The following MADCAM1 variants were observed in gnomAD, a reference collection of about 807,000 sequenced individuals.
MADCAM1 encodes the protein mucosal vascular addressin cell adhesion molecule 1.
A neutral mutation model predicts 26.1 loss-of-function variants in MADCAM1; 19 were observed. The observed-to-expected ratio is 0.73, with a 90% CI of 0.51 to 1.07. MADCAM1 has a LOEUF of 1.07. Ranked by LOEUF, MADCAM1 falls within the 50% of genes least tolerant of loss-of-function variation. The pLI is 0.00. For synonymous variants in MADCAM1, 268 were observed against 260.9 expected (o/e 1.03, Z -0.26); for missense variants, 514 against 542.1 (o/e 0.95, Z 0.51).
intron 4 of MADCAM1, among the ~76,000 whole-genome samples, chr19:503,529 C>T (rs1265552209): frequency 2.8e-5 from 4 of 142,660 alleles, no homozygotes; most frequent in East Asian, 2.1e-4. Context: ...TGCAGTGAGC[C>T]GAGATCGCGC....
At chr19:500,657 T>C (rs1183324414) in intron 3 of MADCAM1, among the ~76,000 whole-genome samples, 1 of 151,964 alleles carries the variant, frequency 6.6e-6, no homozygotes, top group Admixed American at 6.6e-5. Context: ...GATCACGAGA[T>C]TAGGAGATCG....
chr19:499,518 G>A (rs952740968), intron 3 of MADCAM1, among the ~76,000 whole-genome samples: 7 of 152,106 alleles, frequency 4.6e-5, no homozygotes, highest in Non-Finnish European at 7.4e-5. Flanking sequence ...ACCCACACGC[G>A]TGTACAAACA....
Position 501,847 on chromosome 19 carries a change from C to T in MADCAM1, c.846C>T (p.Pro282=), listed in dbSNP as rs1978361131. The change falls in exon 4 of 5, where the codon CCC becomes CCT. Residue 282 remains proline, a synonymous_variant. Transcript: ENST00000215637. ...CCCAGCAGGGCTCCACACACACCCC[C>T]AGGAGCCCAGGCTCCACCAGGACTC... The part of the protein sequence containing the change: ...PAPQQGSTHT[P]RSPGSTRTRR... 1 of 1,557,686 alleles carries T rather than the reference C, an allele frequency of 6.4e-7. No individual in the cohort carries two copies. The highest frequency in any genetic ancestry group is 1.4e-5 in the African/African-American group (1 of 73,214).
chr19:498,153 T>G, intron 2 of MADCAM1, 36 bp downstream of exon 2: 1 of 1,301,220 alleles, frequency 7.7e-7, no homozygotes, highest in Non-Finnish European at 9.8e-7. Flanking sequence ...TCTCTGACCC[T>G]TGGACTCCCG....
chr19:501,273 G>T (rs1978322728), intron 3 of MADCAM1, among the ~76,000 whole-genome samples: 1 of 151,316 alleles, frequency 6.6e-6, no homozygotes, highest in Admixed American at 6.6e-5. Context: ...ATCACCTGAG[G>T]TTGGGAGTTC....
chr19:498,834 G>C lies in MADCAM1; in HGVS notation c.667+9G>C. On this transcript the variant is annotated intron_variant, in intron 3 of 4. Coordinates refer to ENST00000215637, the MANE Select transcript of MADCAM1 (RefSeq NM_130760.3). ...CCGCCAGGCCATCCCCGGTGAGTCC[G>C]CTGGGTGCCCTGGAGACCCACCCGC... 1 of 1,496,754 alleles carries C rather than the reference G, an allele frequency of 6.7e-7. No homozygotes were observed. The highest frequency in any genetic ancestry group is 8.9e-7 in the Non-Finnish European group (1 of 1,129,728). 92.7% of individuals were successfully genotyped at this position (1,496,754 alleles called of 1,614,324 possible).
intron 3 of MADCAM1, chr19:500,215 C>A (rs74361302): frequency 0.1 from 46,896 of 456,070 alleles, 2,851 homozygotes; most frequent in South Asian, 0.18. Flanking sequence ...GCTCTCAGGG[C>A]AGCCCAAAGA....
chr19:504,970 C>A lies in MADCAM1; in HGVS notation c.*5C>A. 1.3e-6 allele frequency: 2 copies of A among 1,577,232 alleles called. No homozygotes were observed. The highest frequency in any genetic ancestry group is 1.7e-6 in the Non-Finnish European group (2 of 1,154,514). The stretch of plus-strand genomic sequence containing the variant: ...GTCGGGATCAGCCCCTCCTGAGTGG[C>A]CAGCCTTTCCCCCTGTGAAAGCAAA... On this transcript the variant is annotated 3_prime_UTR_variant, in exon 5 of 5. Coordinates refer to ENST00000215637, the MANE Select transcript of MADCAM1 (RefSeq NM_130760.3).
At chr19:500,904 G>T (rs140953145) in intron 3 of MADCAM1, among the ~76,000 whole-genome samples, 1 of 151,866 alleles carries the variant, frequency 6.6e-6, no homozygotes, top group African/African-American at 2.4e-5. Context: ...TTATCAACTA[G>T]AACAGTAAGC....
chr19:497,915 C>A lies in MADCAM1; in HGVS notation c.135C>A (p.Leu45=). The A allele has an allele frequency of 7.2e-7, 1 of 1,383,868 alleles. No individual in the cohort carries two copies. 85.7% of individuals were successfully genotyped at this position (1,383,868 alleles called of 1,614,324 possible). Residue 45 remains leucine (L), a synonymous_variant, in exon 2 of 5, where the codon CTC becomes CTA. Coordinates refer to ENST00000215637, the MANE Select transcript of MADCAM1 (RefSeq NM_130760.3). ...TGGCCTTGGGCGCCTCGCGCCAGCT[C>A]ACCTGCCGCCTGGCCTGCGCGGACC... The part of the protein sequence containing the change: ...VAVALGASRQ[L]TCRLACADRG...
At chr19:503,314 G>T (rs1410670931) in intron 4 of MADCAM1, among the ~76,000 whole-genome samples, 1 of 148,506 alleles carries the variant, frequency 6.7e-6, no homozygotes, top group East Asian at 2.0e-4. Context: ...GGGCACGGTG[G>T]CTTATGCCTG....
intron 3 of MADCAM1, among the ~76,000 whole-genome samples, chr19:499,483 AGCACACACGGGAACAAAC>A (rs2145818977): frequency 6.6e-6 from 1 of 152,136 alleles, no homozygotes; most frequent in South Asian, 2.1e-4. Context: ...CAGGCACACA[AGCACACACGGGAACAAAC>A]GCACACACCC....
chr19:499,567 C>T (rs755756005), intron 3 of MADCAM1, among the ~76,000 whole-genome samples: 1 of 152,250 alleles, frequency 6.6e-6, no homozygotes, highest in Non-Finnish European at 1.5e-5. Context: ...CACGCACACG[C>T]GTGTGAGCCC....
At chr19:501,128 G>A (rs941233261) in intron 3 of MADCAM1, among the ~76,000 whole-genome samples, 7 of 151,836 alleles carry the variant, frequency 4.6e-5, no homozygotes, top group African/African-American at 1.7e-4. Context: ...GGTTGAGGCT[G>A]CAGTGATCCA....
At position 505,010 on chromosome 19, in the gene MADCAM1, T is replaced by C. The variant is rs771280019; in HGVS notation, c.*45T>C. The C allele has an allele frequency of 3.2e-5, 46 of 1,454,582 alleles. No homozygotes were observed. In the African/African-American group the frequency reaches 5.9e-4, roughly 19 times the overall value. 90.1% of individuals were successfully genotyped at this position (1,454,582 alleles called of 1,614,324 possible). A position where few individuals can be genotyped will look rare whatever the true frequency, so the allele number is the denominator to read the frequency against. On this transcript the variant is annotated 3_prime_UTR_variant, in exon 5 of 5. Transcript: ENST00000215637. ...GTGAAAGCAAAATAGCTTGGACCCC[T>C]TCAAGTTGAGAACTGGTCAGGGCAA...
chr19:501,645 A>T (rs1286402122), intron 3 of MADCAM1, 24 bp from the exon 4 acceptor site: 3 of 1,567,812 alleles, frequency 1.9e-6, no homozygotes, highest in Non-Finnish European at 2.6e-6. Context: ...AGAGAGGAAA[A>T]AAAAACCCTC....
At chr19:504,436 T>C (rs1317969026) in intron 4 of MADCAM1, among the ~76,000 whole-genome samples, 1 of 151,970 alleles carries the variant, frequency 6.6e-6, no homozygotes, top group Non-Finnish European at 1.5e-5. Context: ...GCTAACTTTG[T>C]ATTTTTAGTA....
intron 3 of MADCAM1, chr19:501,457 C>T: frequency 2.4e-6 from 1 of 424,136 alleles, no homozygotes; most frequent in Non-Finnish European, 3.8e-6. Flanking sequence ...TGCACTCCAG[C>T]CTGGGTAACA....
chr19:498,539 T>G lies in MADCAM1; in HGVS notation c.381T>G (p.Pro127=), dbSNP rs1978297574. ...QLTVSPAALV[P]GDPEVACTAH... ...CCGTCTCCCCAGCAGCCCTGGTGCC[T>G]GGTGACCCGGAGGTGGCCTGTACGG... The change falls in exon 3 of 5, where the codon CCT becomes CCG. Residue 127 remains proline (P), a synonymous_variant. Coordinates refer to ENST00000215637, the MANE Select transcript of MADCAM1 (RefSeq NM_130760.3). The G allele has an allele frequency of 6.8e-7, 1 of 1,471,134 alleles. No homozygotes were observed. Among genetic ancestry groups the G allele is most frequent in the Non-Finnish European group, 9.0e-7 (1 of 1,116,410 alleles). 91.1% of individuals were successfully genotyped at this position (1,471,134 alleles called of 1,614,324 possible).
Sources: allele counts gnomAD v4.1 joint callset (sites outside exome capture counted in the v4.1 genomes callset), GRCh38; gene constraint gnomAD v4.1.1; transcripts MANE v1.5; gene names NCBI Gene and HGNC (gene_info 2026-07-23, HGNC 2026-07-21).